The following ANKRD30A variants were observed in gnomAD, a reference collection of about 807,000 sequenced individuals.
ANKRD30A encodes the protein ankyrin repeat domain-containing protein 30A.
In ANKRD30A, 170 loss-of-function variants were observed where a neutral mutation model predicts 166.3. The ratio of observed to expected loss-of-function variants is 1.02; its 90% confidence interval spans 0.90 to 1.16. The LOEUF (loss-of-function observed/expected upper bound fraction) is 1.16, where lower values mean the gene tolerates loss of function less well. Ranked by LOEUF, ANKRD30A falls within the 50% of genes most tolerant of loss-of-function variation. ANKRD30A has a pLI of 0.00. For missense variants in ANKRD30A, 1,630 were observed against 1,518.0 expected (o/e 1.07, Z -1.23); for synonymous variants, 564 against 508.9 (o/e 1.11, Z -1.46).
At chr10:37,253,979 G>T in the ANKRD30A span, among the ~76,000 whole-genome samples, 1 of 152,132 alleles carries the variant, frequency 6.6e-6, no homozygotes, top group Non-Finnish European at 1.5e-5. Flanking sequence ...GTGCATTCAT[G>T]TTGTAGCGTG....
At chr10:37,238,320 T>C in the ANKRD30A span, among the ~76,000 whole-genome samples, 1 of 152,176 alleles carries the variant, frequency 6.6e-6, no homozygotes, top group Non-Finnish European at 1.5e-5. Flanking sequence ...CCTTCTACCA[T>C]TTATTTATTT....
At chr10:37,217,926 C>T (rs770313136) in intron 33 of ANKRD30A, 48 bp downstream of exon 33, 2 of 1,324,264 alleles carry the variant, frequency 1.5e-6, no homozygotes, top group South Asian at 3.1e-5. Context: ...TTTATTTCAT[C>T]AATATTACTT....
intron 15 of ANKRD30A, among the ~76,000 whole-genome samples, chr10:37,160,448 A>T (rs1838762781): frequency 6.6e-6 from 1 of 152,176 alleles, no homozygotes; most frequent in Non-Finnish European, 1.5e-5. Context: ...GTGAACTATT[A>T]GGCCCCCGGT....
Position 37,219,035 on chromosome 10 carries a change from A to G in ANKRD30A, c.3323A>G (p.Lys1108Arg), listed in dbSNP as rs1842742041. The G allele has an allele frequency of 1.3e-6, 2 of 1,596,990 alleles. No individual in the cohort carries two copies. The highest frequency in any genetic ancestry group is 1.7e-6 in the Non-Finnish European group (2 of 1,173,698). ...NYLLHENCML[K>R]KEIAMLKLEI... ...CTCTTACATGAAAATTGCATGTTGA[A>G]AAAGGAAATTGCCATGCTAAAACTG... Residue 1108 changes from lysine (K) to arginine (R), a missense_variant, in exon 34 of 36, where the codon AAA becomes AGA. Coordinates refer to ENST00000361713, the MANE Select transcript of ANKRD30A (RefSeq NM_052997.3).
At chr10:37,226,840 C>A (rs1588960973) in intron 34 of ANKRD30A, among the ~76,000 whole-genome samples, 1 of 151,904 alleles carries the variant, frequency 6.6e-6, no homozygotes, top group Admixed American at 6.6e-5. Flanking sequence ...ACATTTTTAC[C>A]AGGAAAGATT....
In ANKRD30A at chr10:37,219,644, AAC is replaced by A; in HGVS notation, c.3937_3938del (p.Thr1313Ter). The stretch of plus-strand genomic sequence containing the variant: ...CAAAACGAACAAGATAATGTGAACA[AAC>A]ACACTGAACAGCAGGAGTCTCTAGA... On this transcript the variant is annotated frameshift_variant, in exon 34 of 36. Coordinates refer to ENST00000361713, the MANE Select transcript of ANKRD30A (RefSeq NM_052997.3). LOFTEE classifies it high-confidence loss of function. 1 of 1,610,090 alleles carries A rather than the reference AAC, an allele frequency of 6.2e-7. No individual in the cohort carries two copies. The highest frequency in any genetic ancestry group is 2.2e-5 in the East Asian group (1 of 44,646).
intron 9 of ANKRD30A, among the ~76,000 whole-genome samples, chr10:37,148,789 T>C (rs1177273290): frequency 6.6e-6 from 1 of 152,102 alleles, no homozygotes. Flanking sequence ...TGGCTTTATA[T>C]TTTAAGAAAG....
At chr10:37,167,644 T>C (rs946140583) in intron 19 of ANKRD30A, among the ~76,000 whole-genome samples, 1 of 151,916 alleles carries the variant, frequency 6.6e-6, no homozygotes, top group African/African-American at 2.4e-5. Flanking sequence ...TGATGAGATT[T>C]GTACATCTTC....
At chr10:37,219,973 T>A in intron 34 of ANKRD30A, 76 bp downstream of exon 34, 1 of 872,782 alleles carries the variant, frequency 1.1e-6, no homozygotes, top group Non-Finnish European at 1.5e-6. Flanking sequence ...CTTGGCTAAA[T>A]GCTGAATCTA....
In ANKRD30A at chr10:37,199,718, C is replaced by A; in HGVS notation, c.2717-9C>A. 2.6e-6 allele frequency: 4 copies of A among 1,550,022 alleles called. No individual in the cohort carries two copies. Among genetic ancestry groups the A allele is most frequent in the Non-Finnish European group, 3.5e-6 (4 of 1,130,148 alleles). On this transcript the variant is annotated splice_polypyrimidine_tract_variant and intron_variant, in intron 29 of 35. Transcript: ENST00000361713. ...TCTCATGAATGTATCTGTGATTAAC[C>A]TTTTATAGATCAGATGTTCCCTTCA...
chr10:37,155,807 C>T (rs17590631), intron 13 of ANKRD30A, among the ~76,000 whole-genome samples: 1,745 of 152,198 alleles, frequency 0.011, 18 homozygotes, highest in Middle Eastern at 0.034. Context: ...TCAGGCCAGT[C>T]GTGGTGGCTC....
At position 37,153,640 on chromosome 10, in the gene ANKRD30A, T is replaced by C; in HGVS notation, c.1776T>C (p.Asp592=). The change falls in exon 13 of 36, where the codon GAT becomes GAC. Residue 592 remains aspartate, a synonymous_variant. Coordinates refer to ENST00000361713, the MANE Select transcript of ANKRD30A (RefSeq NM_052997.3). ...AGGCTACACATCAAAAAGAAATAGA[T>C]AAAATAAATGGAAAATTAGAAGGTA... ...LPKATHQKEI[D]KINGKLEESP... is the part of the protein sequence containing the mutation. The C allele has an allele frequency of 6.2e-7, 1 of 1,611,600 alleles. No homozygotes were observed. Among genetic ancestry groups the C allele is most frequent in the African/African-American group, 1.3e-5 (1 of 74,934 alleles).
the ANKRD30A span, among the ~76,000 whole-genome samples, chr10:37,258,585 C>T: frequency 1.3e-5 from 2 of 151,240 alleles, no homozygotes; most frequent in South Asian, 2.1e-4. Flanking sequence ...AATTTGACCC[C>T]TATCTTACAT....
At chr10:37,161,719 A>T (rs1230194160) in intron 15 of ANKRD30A, among the ~76,000 whole-genome samples, 1 of 152,174 alleles carries the variant, frequency 6.6e-6, no homozygotes, top group Non-Finnish European at 1.5e-5. Flanking sequence ...GAAGACAAAT[A>T]TATATTTTGT....
At chr10:37,132,418 A>G in intron 4 of ANKRD30A, 72 bp downstream of exon 4, 2 of 794,344 alleles carry the variant, frequency 2.5e-6, no homozygotes, top group Non-Finnish European at 3.8e-6. Context: ...AGTCAGAAAT[A>G]TTTAATAACA....
At chr10:37,229,832 A>G (rs1306328093) in intron 34 of ANKRD30A, among the ~76,000 whole-genome samples, 1 of 151,884 alleles carries the variant, frequency 6.6e-6, no homozygotes, top group South Asian at 2.1e-4. Context: ...ATATATCCAT[A>G]TATGTATGTA....
intron 25 of ANKRD30A, 45 bp from the exon 26 acceptor site, chr10:37,193,019 G>C: frequency 6.3e-7 from 1 of 1,598,162 alleles, no homozygotes; most frequent in Non-Finnish European, 8.6e-7. Context: ...GGTAGGCTTT[G>C]TCAAGCTTGC....
At chr10:37,237,139 T>C (rs1039276033), downstream of ANKRD30A, among the ~76,000 whole-genome samples, 1 of 152,198 alleles carries the variant, frequency 6.6e-6, no homozygotes, top group African/African-American at 2.4e-5. Context: ...TTAAAATCTA[T>C]ACATTTCTCC....
At chr10:37,260,358 C>T in the ANKRD30A span, among the ~76,000 whole-genome samples, 1 of 152,162 alleles carries the variant, frequency 6.6e-6, no homozygotes, top group African/African-American at 2.4e-5. Flanking sequence ...AAGCTCCAGG[C>T]TCTATTTTCC....
Sources: gnomAD v4.1 joint callset for allele counts (sites outside exome capture counted in the v4.1 genomes callset) on GRCh38, gnomAD v4.1.1 for gene constraint, MANE v1.5 for transcripts, NCBI Gene and HGNC (gene_info 2026-07-23, HGNC 2026-07-21) for gene names.